The following ARHGAP24 variants were observed in gnomAD, a reference collection of about 807,000 sequenced individuals.
The protein encoded by ARHGAP24 is Rho GTPase activating protein 24.
A neutral mutation model predicts 76.4 loss-of-function variants in ARHGAP24; 50 were observed. That is an observed-to-expected ratio of 0.65 (90% CI 0.52 to 0.83). ARHGAP24 has a LOEUF of 0.83. Ranked by LOEUF, ARHGAP24 falls within the 40% of genes least tolerant of loss-of-function variation. ARHGAP24 has a pLI of 0.00. For missense variants in ARHGAP24, 930 were observed against 914.2 expected (o/e 1.02, Z -0.22); for synonymous variants, 345 against 323.3 (o/e 1.07, Z -0.72).
At chr4:85,670,402 G>A (rs1304996513) in intron 2 of ARHGAP24, among the ~76,000 whole-genome samples, 1 of 152,136 alleles carries the variant, frequency 6.6e-6, no homozygotes, top group African/African-American at 2.4e-5. Context: ...AGCCACTCTT[G>A]AATCACCAAT....
intron 1 of ARHGAP24, among the ~76,000 whole-genome samples, chr4:85,537,402 A>G (rs895653352): frequency 6.6e-6 from 1 of 152,146 alleles, no homozygotes; most frequent in East Asian, 1.9e-4. Flanking sequence ...CCCAGGCAGA[A>G]GGTCTATATT....
At chr4:85,804,899 C>T (rs527430153) in intron 3 of ARHGAP24, among the ~76,000 whole-genome samples, 34 of 152,224 alleles carry the variant, frequency 2.2e-4, no homozygotes, top group African/African-American at 8.2e-4. Context: ...ACCCATGGAG[C>T]TTTGGAGGTG....
At chr4:85,901,557 A>C (rs186478870) in intron 3 of ARHGAP24, among the ~76,000 whole-genome samples, 1 of 152,290 alleles carries the variant, frequency 6.6e-6, no homozygotes, top group African/African-American at 2.4e-5. Flanking sequence ...GATCAATAAC[A>C]TATGTTAGGC....
chr4:85,977,657 C>T lies in ARHGAP24; in HGVS notation c.894C>T (p.Arg298=). 1 of 1,613,838 alleles carries T rather than the reference C, an allele frequency of 6.2e-7. No individual in the cohort carries two copies. Among genetic ancestry groups the T allele is most frequent in the Non-Finnish European group, 8.5e-7 (1 of 1,179,796 alleles). ...LATVFGPNIL[R]PKVEDPLTIM... The stretch of plus-strand genomic sequence containing the variant: ...CGGTCTTTGGTCCTAATATCCTGCG[C>T]CCCAAAGTGGAAGATCCTTTGACTA... The change falls in exon 8 of 10, where the codon CGC becomes CGT. Residue 298 remains arginine (R), a synonymous_variant. Transcript: ENST00000395184.
At chr4:85,625,480 T>TCC (rs1720910433) in intron 2 of ARHGAP24, among the ~76,000 whole-genome samples, 1 of 151,702 alleles carries the variant, frequency 6.6e-6, no homozygotes, top group Non-Finnish European at 1.5e-5. Context: ...CTGAGGAGAG[T>TCC]TTTACTTCCA....
chr4:85,497,882 A>G (rs1723642271), intron 1 of ARHGAP24, among the ~76,000 whole-genome samples: 2 of 152,178 alleles, frequency 1.3e-5, no homozygotes, highest in African/African-American at 2.4e-5. Flanking sequence ...CTAACTTTTT[A>G]GTTTTACTGT....
intron 3 of ARHGAP24, among the ~76,000 whole-genome samples, chr4:85,914,198 A>G (rs951952439): frequency 6.6e-6 from 1 of 152,224 alleles, no homozygotes; most frequent in Non-Finnish European, 1.5e-5. Flanking sequence ...TTCTGGCTGA[A>G]TGGCTGTCAC....
chr4:85,972,809 G>A lies in ARHGAP24; in HGVS notation c.732+641G>A, dbSNP rs892821468. 2.0e-5 allele frequency among the ~76,000 whole-genome samples: 3 copies of A among 152,010 alleles called. No individual in the cohort carries two copies. The East Asian group carries it at 5.8e-4, about 29-fold the overall frequency. ...TGCCCCTATAGATTTGCCTATTCTG[G>A]ACATTCCTTATAAATGGAATCATTC... On this transcript the variant is annotated intron_variant, in intron 6 of 9. Coordinates refer to ENST00000395184, the MANE Select transcript of ARHGAP24 (RefSeq NM_001025616.3).
chr4:85,583,274 T>C (rs993669252), intron 2 of ARHGAP24, among the ~76,000 whole-genome samples: 6 of 152,304 alleles, frequency 3.9e-5, no homozygotes, highest in Non-Finnish European at 5.9e-5. Flanking sequence ...CTTCACTCTA[T>C]TGTGGCTTTC....
intron 3 of ARHGAP24, among the ~76,000 whole-genome samples, chr4:85,812,292 A>G (rs1409163922): frequency 6.6e-6 from 1 of 152,228 alleles, no homozygotes; most frequent in Non-Finnish European, 1.5e-5. Flanking sequence ...TCTGTTTCAT[A>G]GCATGATTAC....
At chr4:85,702,996 T>C (rs1190476152) in intron 2 of ARHGAP24, among the ~76,000 whole-genome samples, 1 of 148,034 alleles carries the variant, frequency 6.8e-6, no homozygotes, top group Non-Finnish European at 1.5e-5. Context: ...CCGAGAAGCA[T>C]GTGAAAGGAG....
intron 1 of ARHGAP24, among the ~76,000 whole-genome samples, chr4:85,553,454 G>A (rs1392539439): frequency 1.3e-5 from 2 of 152,188 alleles, no homozygotes. Context: ...GTTTTACAGA[G>A]TGCTGATTGG....
intron 3 of ARHGAP24, chr4:85,827,859 C>T: frequency 8.0e-7 from 1 of 1,256,854 alleles, no homozygotes; most frequent in Non-Finnish European, 1.0e-6. Flanking sequence ...CACAGTAGGA[C>T]CTGAGTTGGG....
chr4:85,661,576 T>A (rs1007223513), intron 2 of ARHGAP24, among the ~76,000 whole-genome samples: 1 of 152,168 alleles, frequency 6.6e-6, no homozygotes, highest in Admixed American at 6.5e-5. Context: ...TGCAGGTTAG[T>A]TACATATGTA....
At chr4:85,602,120 C>T (rs1720049131) in intron 2 of ARHGAP24, among the ~76,000 whole-genome samples, 2 of 152,134 alleles carry the variant, frequency 1.3e-5, no homozygotes, top group African/African-American at 4.8e-5. Context: ...GTTTACATTG[C>T]TATTTCCAGA....
Position 85,570,570 on chromosome 4 carries a change from A to G in ARHGAP24, c.29A>G (p.Asn10Ser), listed in dbSNP as rs1424786785. 1.2e-6 allele frequency: 2 copies of G among 1,613,502 alleles called. No individual in the cohort carries two copies. The highest frequency in any genetic ancestry group is 1.7e-6 in the Non-Finnish European group (2 of 1,179,946). Residue 10 changes from asparagine (N) to serine (S), a missense_variant, in exon 2 of 10, where the codon AAC becomes AGC. Coordinates refer to ENST00000395184, the MANE Select transcript of ARHGAP24 (RefSeq NM_001025616.3). ...GAGGAGAACAATGACTCCACGGAGA[A>G]CCCCCAACAAGGCCAAGGGCGGCAG... MEENNDSTE[N>S]PQQGQGRQNA...
At chr4:85,732,083 T>C (rs2110052849) in intron 3 of ARHGAP24, among the ~76,000 whole-genome samples, 1 of 152,338 alleles carries the variant, frequency 6.6e-6, no homozygotes, top group Admixed American at 6.5e-5. Context: ...ACCTGCTTCT[T>C]TTATCCAATA....
Position 85,789,364 on chromosome 4 carries a change from CT to C in ARHGAP24, c.268+67397del, listed in dbSNP as rs368237123. Among the ~76,000 whole-genome samples, 318 of 151,904 alleles carry C rather than the reference CT, an allele frequency of 2.1e-3. 3 individuals carry two copies. The Middle Eastern group carries it at 0.024, about 11-fold the overall frequency. On this transcript the variant is annotated intron_variant, in intron 3 of 9. Coordinates refer to ENST00000395184, the MANE Select transcript of ARHGAP24 (RefSeq NM_001025616.3). ...GGCAATACTAAACAGATCAGGCAGACTTTTTCTTTTTCTTTTTTTTTAAAGA... is the reference window on the plus strand; with the variant it reads ...GGCAATACTAAACAGATCAGGCAGACTTTTCTTTTTCTTTTTTTTTAAAGA...
chr4:85,572,029 G>T (rs1391861017), intron 2 of ARHGAP24, among the ~76,000 whole-genome samples: 1 of 152,166 alleles, frequency 6.6e-6, no homozygotes, highest in Non-Finnish European at 1.5e-5. Context: ...TTGCAAACCA[G>T]TGGGGAATAT....
Sources: gnomAD v4.1 joint callset for allele counts (sites outside exome capture counted in the v4.1 genomes callset) on GRCh38, gnomAD v4.1.1 for gene constraint, MANE v1.5 for transcripts, NCBI Gene and HGNC (gene_info 2026-07-23, HGNC 2026-07-21) for gene names.